The following DNAH6 variants were observed in gnomAD, a reference collection of about 807,000 sequenced individuals.
DNAH6 encodes axonemal beta dynein heavy chain 6.
A neutral mutation model predicts 491.4 loss-of-function variants in DNAH6; 340 were observed. The observed-to-expected ratio is 0.69, with a 90% CI of 0.63 to 0.76. The LOEUF is 0.76. DNAH6 is among the 30% of genes least tolerant of loss of function. The pLI is 0.00. For missense variants in DNAH6, 4,443 were observed against 4,972.2 expected (o/e 0.89, Z 3.20); for synonymous variants, 1,603 against 1,686.1 (o/e 0.95, Z 1.21).
At position 84,557,824 on chromosome 2, in the gene DNAH6, C is replaced by T. The variant is rs760462454; in HGVS notation, c.1692C>T (p.Thr564=). 1 of 1,613,090 alleles carries T rather than the reference C, an allele frequency of 6.2e-7. No individual in the cohort carries two copies. The change falls in exon 11 of 77, where the codon ACC becomes ACT. Residue 564 remains threonine, a synonymous_variant. Coordinates refer to ENST00000389394, the MANE Select transcript of DNAH6 (RefSeq NM_001370.2). ...CTGATTCGTATTTTGATGCTTTCACCAGCCCTTATATTAACAACAAACTTG... is the reference window on the plus strand; with the variant it reads ...CTGATTCGTATTTTGATGCTTTCACTAGCCCTTATATTAACAACAAACTTG... The part of the protein sequence containing the change: ...LVPDSYFDAF[T]SPYINNKLEG...
chr2:84,763,952 C>T (rs1056654379), intron 64 of DNAH6, among the ~76,000 whole-genome samples: 32 of 152,130 alleles, frequency 2.1e-4, no homozygotes, highest in African/African-American at 5.1e-4. Flanking sequence ...AGAAAAAAAC[C>T]GATGTTCCTG....
the DNAH6 span, among the ~76,000 whole-genome samples, chr2:84,469,701 A>G: frequency 7.2e-5 from 11 of 152,122 alleles, no homozygotes; most frequent in South Asian, 2.1e-4. The surrounding 1 kb of genome is among the most constrained non-coding windows in gnomAD (Gnocchi z 4.0). Flanking sequence ...TCAGCTCTCA[A>G]ATTTCTCTTT....
chr2:84,810,995 ACTT>A (rs1679915295), intron 72 of DNAH6, among the ~76,000 whole-genome samples: 1 of 152,142 alleles, frequency 6.6e-6, no homozygotes, highest in African/African-American at 2.4e-5. Flanking sequence ...GTCTTCTGCT[ACTT>A]CTTCCTATTT....
At chr2:84,715,377 A>G (rs1201893865) in intron 57 of DNAH6, among the ~76,000 whole-genome samples, 183 bp from the exon 58 acceptor site, 3 of 152,338 alleles carry the variant, frequency 2.0e-5, no homozygotes, top group South Asian at 4.1e-4. Context: ...TCATACTGGC[A>G]GGGAAAAACA....
Position 84,637,378 on chromosome 2 carries a change from G to C in DNAH6, c.4821+1G>C. The C allele has an allele frequency of 6.5e-7, 1 of 1,535,998 alleles. No homozygotes were observed. Among genetic ancestry groups the C allele is most frequent in the East Asian group, 2.5e-5 (1 of 40,508 alleles). On this transcript the variant is annotated splice_donor_variant, in intron 31 of 76. Transcript: ENST00000389394. LOFTEE classifies it high-confidence loss of function. ...TCCAAATTATGCCTTGATTGCAGAGGTGAGCATCACATTATAAAGCAGCAG... is the reference window on the plus strand; with the variant it reads ...TCCAAATTATGCCTTGATTGCAGAGCTGAGCATCACATTATAAAGCAGCAG...
At chr2:84,625,627 T>A (rs1177113921) in intron 29 of DNAH6, among the ~76,000 whole-genome samples, 1 of 152,170 alleles carries the variant, frequency 6.6e-6, no homozygotes, top group Non-Finnish European at 1.5e-5. Flanking sequence ...ATTTATTTGT[T>A]AAAAAAATAA....
chr2:84,544,352 A>G lies in DNAH6; in HGVS notation c.782A>G (p.Tyr261Cys). The change falls in exon 5 of 77, where the codon TAT (tyrosine) becomes TGT (cysteine). Residue 261 changes from tyrosine to cysteine, a missense_variant. Physicochemically the swap from Tyr to Cys is radical, Grantham distance 194. This residue lies in a region of DNAH6 where 2,977 missense variants were observed against 3,296.6 expected (regional missense o/e 0.90). Coordinates refer to ENST00000389394, the MANE Select transcript of DNAH6 (RefSeq NM_001370.2). The part of the protein sequence containing the change: ...FIEIDRWEQE[Y>C]LYHRELTKIP... ...GAAATTGATCGATGGGAACAGGAAT[A>G]TCTGTATCACAGAGAACTCACTAAG... is the stretch of plus-strand genomic sequence containing the variant. The G allele has an allele frequency of 6.5e-7, 1 of 1,546,430 alleles. No homozygotes were observed. Among genetic ancestry groups the G allele is most frequent in the Non-Finnish European group, 8.8e-7 (1 of 1,142,410 alleles).
intron 76 of DNAH6, among the ~76,000 whole-genome samples, chr2:84,817,231 A>G (rs753389475): frequency 2.0e-5 from 3 of 152,224 alleles, no homozygotes; most frequent in Non-Finnish European, 2.9e-5. Context: ...GAGACAATGT[A>G]TAATATATGC....
chr2:84,689,437 C>T (rs571455019), intron 45 of DNAH6, among the ~76,000 whole-genome samples: 4 of 152,154 alleles, frequency 2.6e-5, no homozygotes, highest in South Asian at 2.1e-4. Flanking sequence ...GTAATCAGAC[C>T]GCCGCTGGAG....
chr2:84,706,989 G>T lies in DNAH6; in HGVS notation c.8821G>T (p.Asp2941Tyr), dbSNP rs1402546479. ...DQIQALQDEY[D>Y]KGVNEKESLA... ...AATACAGGCCTTACAAGATGAATAT[G>T]ACAAAGGTGTAAATGAAAAAGAAAG... Residue 2941 changes from aspartate to tyrosine, a missense_variant, in exon 53 of 77, where the codon GAC (aspartate) becomes TAC (tyrosine). Transcript: ENST00000389394. 1.3e-6 allele frequency: 2 copies of T among 1,528,698 alleles called. No homozygotes were observed. Among genetic ancestry groups the T allele is most frequent in the South Asian group, 2.6e-5 (2 of 78,210 alleles). The allele number at this position is 1,528,698 out of a possible 1,614,324, so 94.7% of individuals were successfully genotyped here.
At chr2:84,556,353 TC>T (rs113022170) in intron 10 of DNAH6, among the ~76,000 whole-genome samples, 10,344 of 152,212 alleles carry the variant, frequency 0.068, 1,145 homozygotes, top group African/African-American at 0.24. Flanking sequence ...GCTGACTGCA[TC>T]TGCAGAGTAT....
At position 84,709,334 on chromosome 2, in the gene DNAH6, C is replaced by T. The variant is rs1453416454; in HGVS notation, c.9049-9C>T. On this transcript the variant is annotated splice_polypyrimidine_tract_variant and intron_variant, in intron 54 of 76. Coordinates refer to ENST00000389394, the MANE Select transcript of DNAH6 (RefSeq NM_001370.2). ...GACTCTACTCAAGTAAGCTTTCCCC[C>T]TTCTACAGCTTATAGAGTGTTGGAT... 2 of 1,551,402 alleles carry T rather than the reference C, an allele frequency of 1.3e-6. No individual in the cohort carries two copies. The highest frequency in any genetic ancestry group is 1.7e-6 in the Non-Finnish European group (2 of 1,146,940).
At chr2:84,461,223 G>A in the DNAH6 span, among the ~76,000 whole-genome samples, 1 of 152,306 alleles carries the variant, frequency 6.6e-6, no homozygotes, top group Middle Eastern at 3.4e-3. Flanking sequence ...ACACTTACAA[G>A]TAAACATATA....
At chr2:84,785,128 G>A (rs942865694) in intron 66 of DNAH6, among the ~76,000 whole-genome samples, 18 of 152,146 alleles carry the variant, frequency 1.2e-4, no homozygotes, top group Non-Finnish European at 2.1e-4. Context: ...AGACAGGAAG[G>A]CCTACAAGCC....
Position 84,547,275 on chromosome 2 carries a change from G to A in DNAH6, c.938G>A (p.Arg313Gln), listed in dbSNP as rs373968372. The part of the protein sequence containing the change: ...KNLFIVNPHL[R>Q]PALLKINELC... ...ATTCCTATTTTCATTCAGCATTTGC[G>A]ACCAGCTCTTCTTAAAATAAATGAA... The change falls in exon 6 of 77, where the codon CGA becomes CAA. Residue 313 changes from arginine (R) to glutamine (Q), a missense_variant. Arg to Gln is a conservative substitution (Grantham distance 43). Around this residue, in one of 3 missense-constraint regions of DNAH6, gnomAD observed 2,977 missense variants for 3,296.6 expected, o/e 0.90. Transcript: ENST00000389394. 7.2e-5 allele frequency: 111 copies of A among 1,536,338 alleles called. 1 individual carries two copies. The highest frequency in any genetic ancestry group is 4.2e-4 in the Admixed American group (20 of 48,072).
chr2:84,584,064 G>T lies in DNAH6; in HGVS notation c.2295G>T (p.Gln765His). The T allele has an allele frequency of 6.2e-7, 1 of 1,614,110 alleles. No homozygotes were observed. Residue 765 changes from glutamine to histidine, a missense_variant, in exon 15 of 77, where the codon CAG (glutamine) becomes CAT (histidine). Physicochemically the swap from Gln to His is conservative, Grantham distance 24. Around this residue, in one of 3 missense-constraint regions of DNAH6, gnomAD observed 2,977 missense variants for 3,296.6 expected, o/e 0.90. Coordinates refer to ENST00000389394, the MANE Select transcript of DNAH6 (RefSeq NM_001370.2). ...TGTACAAGCTTATGGAACAATATCA[G>T]GTGCCCACACCTCCTGAAGACTTTG... ...TQMYKLMEQYQVPTPPEDFAV... is the reference protein window; with the variant it reads ...TQMYKLMEQYHVPTPPEDFAV...
chr2:84,492,547 T>C, the DNAH6 span, among the ~76,000 whole-genome samples: 2 of 152,238 alleles, frequency 1.3e-5, no homozygotes, highest in Non-Finnish European at 2.9e-5. Flanking sequence ...TTACTATTCA[T>C]ATTTCATATT....
Position 84,659,088 on chromosome 2 carries a change from G to A in DNAH6, c.6003G>A (p.Leu2001=). 1 of 1,506,262 alleles carries A rather than the reference G, an allele frequency of 6.6e-7. No individual in the cohort carries two copies. Among genetic ancestry groups the A allele is most frequent in the Middle Eastern group, 1.7e-4 (1 of 5,894 alleles). The allele number at this position is 1,506,262 out of a possible 1,614,324, so 93.3% of individuals were successfully genotyped here. Residue 2001 remains leucine (L), a synonymous_variant, in exon 37 of 77, where the codon TTG becomes TTA. Transcript: ENST00000389394. ...TTGTATTCTGTTATTTGTGGTCTTTGGGTGGAAACCTAACTGAAAACTACT... is the reference window on the plus strand; with the variant it reads ...TTGTATTCTGTTATTTGTGGTCTTTAGGTGGAAACCTAACTGAAAACTACT... ...QTFVFCYLWS[L]GGNLTENYYD...
chr2:84,651,448 G>A (rs1002843431), intron 33 of DNAH6, among the ~76,000 whole-genome samples: 1 of 152,164 alleles, frequency 6.6e-6, no homozygotes, highest in Non-Finnish European at 1.5e-5. Context: ...TGCTGGTGAG[G>A]GTAGGAATAA....
Sources: allele counts gnomAD v4.1 joint callset (sites outside exome capture counted in the v4.1 genomes callset), GRCh38; gene constraint gnomAD v4.1.1; regional missense constraint gnomAD v4.1.1; non-coding constraint Gnocchi (gnomAD v3.1); transcripts MANE v1.5; gene names NCBI Gene and HGNC (gene_info 2026-07-23, HGNC 2026-07-21).